Variants in SLC17A8 observed in about 807,000 individuals in gnomAD.
SLC17A8 encodes the protein solute carrier family 17 member 8, also known as vesicular glutamate transporter 3.
Under a neutral mutation model 58.0 loss-of-function variants are expected in SLC17A8, and 31 were observed. The ratio of observed to expected loss-of-function variants is 0.53; its 90% confidence interval spans 0.40 to 0.72. SLC17A8 has a LOEUF of 0.72. SLC17A8 is among the 30% of genes least tolerant of loss of function. SLC17A8 has a pLI of 0.00. For missense variants in SLC17A8, 655 were observed against 727.8 expected, an observed-to-expected ratio of 0.90 and a Z score of 1.15; for synonymous variants, 228 against 249.0, an observed-to-expected ratio of 0.92 and a Z score of 0.79.
chr12:100,372,296 C>A (rs979761607), intron 1 of SLC17A8, among the ~76,000 whole-genome samples: 1 of 152,114 alleles, frequency 6.6e-6, no homozygotes, highest in African/African-American at 2.4e-5. Context: ...CCTCAGATGG[C>A]TTTCCTCTAT....
At chr12:100,395,868 C>T (rs1952749965) in intron 4 of SLC17A8, among the ~76,000 whole-genome samples, 2 of 152,232 alleles carry the variant, frequency 1.3e-5, no homozygotes, top group Admixed American at 6.5e-5. Context: ...CCACCTCGGC[C>T]TCTCAAAGTG....
intron 10 of SLC17A8, among the ~76,000 whole-genome samples, chr12:100,413,995 TAAAATA>T (rs1952889242): frequency 6.6e-6 from 1 of 151,820 alleles, no homozygotes; most frequent in Admixed American, 6.6e-5. Flanking sequence ...AATAAATAAA[TAAAATA>T]AAAATAAAAA....
intron 9 of SLC17A8, among the ~76,000 whole-genome samples, chr12:100,408,031 T>C (rs537685461): frequency 6.6e-6 from 1 of 152,186 alleles, no homozygotes; most frequent in Non-Finnish European, 1.5e-5. Context: ...GATAACTACA[T>C]GAAAACAAAG....
chr12:100,412,644 C>CAAAAACAAA, intron 9 of SLC17A8, 126 bp from the exon 10 acceptor site: 1 of 341,208 alleles, frequency 2.9e-6, no homozygotes, highest in Non-Finnish European at 5.5e-6. Flanking sequence ...AAAAAAAAAA[C>CAAAAACAAA]ATAGACACAA....
rs186304011 is a variant in SLC17A8 at position 100,367,975 on chromosome 12, C to A, written c.101+10483C>A. Reference sequence around the variant, plus strand: ...AGTCACCAGGCTACTCTGGACATATCTATTTTGTTTAAGTTTCCAAGAACC... The same window carrying A: ...AGTCACCAGGCTACTCTGGACATATATATTTTGTTTAAGTTTCCAAGAACC... On this transcript the variant is annotated intron_variant, in intron 1 of 11. Transcript: ENST00000323346. Among the ~76,000 whole-genome samples, 85 of 152,318 alleles carry A rather than the reference C, an allele frequency of 5.6e-4. 1 individual carries two copies. The South Asian group carries it at 0.011, about 20-fold the overall frequency.
chr12:100,385,875 T>A (rs145872705), intron 2 of SLC17A8, among the ~76,000 whole-genome samples: 1 of 152,312 alleles, frequency 6.6e-6, no homozygotes. Context: ...CAGCACCTCA[T>A]GCCCTCTGAA....
intron 1 of SLC17A8, among the ~76,000 whole-genome samples, chr12:100,366,885 A>G (rs1390987796): frequency 1.3e-5 from 2 of 152,170 alleles, no homozygotes; most frequent in African/African-American, 4.8e-5. Context: ...CCCTAACTGT[A>G]GTTCTGAATT....
At chr12:100,411,431 G>C (rs989190526) in intron 9 of SLC17A8, among the ~76,000 whole-genome samples, 4 of 152,168 alleles carry the variant, frequency 2.6e-5, no homozygotes, top group Non-Finnish European at 5.9e-5. Context: ...AGTGAGCCAA[G>C]ATCATGCCGT....
chr12:100,379,820 T>G (rs1040587539), intron 1 of SLC17A8, among the ~76,000 whole-genome samples: 1 of 152,016 alleles, frequency 6.6e-6, no homozygotes, highest in African/African-American at 2.4e-5. Context: ...AGGAACCATC[T>G]AAGGAGAAAA....
At chr12:100,360,158 C>T (rs1437362056) in intron 1 of SLC17A8, among the ~76,000 whole-genome samples, 1 of 152,118 alleles carries the variant, frequency 6.6e-6, no homozygotes, top group African/African-American at 2.4e-5. Context: ...AGCAATTAAT[C>T]AGCTAAAGGT....
chr12:100,377,587 T>TATATATATATATATATA (rs58055673), intron 1 of SLC17A8, among the ~76,000 whole-genome samples: 3 of 44,220 alleles, frequency 6.8e-5, no homozygotes, highest in Non-Finnish European at 1.4e-4. Flanking sequence ...ATATATATAT[T>TATATATATATATATATA]TTTTTTTTTT....
chr12:100,418,543 T>C (rs1952923670), intron 11 of SLC17A8, among the ~76,000 whole-genome samples: 1 of 152,206 alleles, frequency 6.6e-6, no homozygotes, highest in Non-Finnish European at 1.5e-5. Context: ...TTAGCATGTT[T>C]CAGCATAAAA....
intron 11 of SLC17A8, 142 bp from the exon 12 acceptor site, chr12:100,419,673 C>T: frequency 1.4e-6 from 1 of 723,592 alleles, no homozygotes; most frequent in South Asian, 1.8e-5. Flanking sequence ...GTGCTTCTGA[C>T]ACACGTCCTC....
intron 1 of SLC17A8, among the ~76,000 whole-genome samples, chr12:100,369,860 T>A (rs1029701511): frequency 3.3e-5 from 5 of 152,222 alleles, no homozygotes; most frequent in African/African-American, 4.8e-5. Flanking sequence ...TTTTCTAATG[T>A]CTTGATTTTA....
In SLC17A8 at chr12:100,421,230, G is replaced by A. The variant is rs1184313303; in HGVS notation, c.*1071G>A. The A allele has an allele frequency of 1.3e-5, 2 of 152,036 alleles. No individual in the cohort carries two copies. The highest frequency in any genetic ancestry group is 2.9e-5 in the Non-Finnish European group (2 of 67,972). The allele number at this position is 152,036 out of a possible 1,614,324, so 9.4% of individuals were successfully genotyped here. On this transcript the variant is annotated 3_prime_UTR_variant, in exon 12 of 12. Coordinates refer to ENST00000323346, the MANE Select transcript of SLC17A8 (RefSeq NM_139319.3). ...GTGTTTTCTTAGGTAAAGTTCTTCT[G>A]AAAGAATTTTCTATTTTTAAAAAAT...
intron 3 of SLC17A8, among the ~76,000 whole-genome samples, chr12:100,391,663 A>C (rs1446397652): frequency 6.6e-6 from 1 of 152,060 alleles, no homozygotes; most frequent in Non-Finnish European, 1.5e-5. Context: ...GCAACTCTTC[A>C]AGTGATTATG....
chr12:100,411,846 GT>G (rs3057179), intron 9 of SLC17A8, among the ~76,000 whole-genome samples: 7,123 of 142,634 alleles, frequency 0.05, 326 homozygotes, highest in East Asian at 0.24. Flanking sequence ...TGTATTGTTT[GT>G]TTTTTTTTTT....
chr12:100,389,532 A>G (rs1952698703), intron 2 of SLC17A8, among the ~76,000 whole-genome samples: 1 of 151,966 alleles, frequency 6.6e-6, no homozygotes, highest in East Asian at 1.9e-4. Flanking sequence ...TTTTCTCCTT[A>G]GCATTCATTG....
intron 3 of SLC17A8, among the ~76,000 whole-genome samples, chr12:100,392,678 C>A (rs1952725149): frequency 6.6e-6 from 1 of 152,094 alleles, no homozygotes; most frequent in African/African-American, 2.4e-5. Context: ...GTGGAAACAT[C>A]ATCAACATAA....
Sources: allele counts gnomAD v4.1 joint callset (sites outside exome capture counted in the v4.1 genomes callset), GRCh38; gene constraint gnomAD v4.1.1; transcripts MANE v1.5; gene names NCBI Gene and HGNC (gene_info 2026-07-23, HGNC 2026-07-21).